The following SRR variants were observed in gnomAD, a reference collection of about 807,000 sequenced individuals.
SRR encodes D-serine ammonia-lyase.
In SRR, 19 loss-of-function variants were observed where a neutral mutation model predicts 32.7. The ratio of observed to expected loss-of-function variants is 0.58; its 90% confidence interval spans 0.40 to 0.85. The LOEUF (loss-of-function observed/expected upper bound fraction) is 0.85, where lower values mean the gene tolerates loss of function less well. Ranked by LOEUF, SRR falls within the 40% of genes least tolerant of loss-of-function variation. The pLI, the probability that SRR is intolerant of heterozygous loss-of-function variation, is 0.00. For synonymous variants in SRR, 142 were observed against 140.9 expected, an observed-to-expected ratio of 1.01 and a Z score of -0.06; for missense variants, 373 against 404.7, an observed-to-expected ratio of 0.92 and a Z score of 0.67.
Position 2,308,981 on chromosome 17 carries a change from G to A in SRR, c.-5+4964G>A, listed in dbSNP as rs553680767. ...TAAATACAAAACATTAGCCAGGTGT[G>A]GTGCTACATGCCTGTAATCCCAGCT... On this transcript the variant is annotated intron_variant, in intron 1 of 7. Transcript: ENST00000344595. Among the ~76,000 whole-genome samples, 5 of 152,060 alleles carry A rather than the reference G, an allele frequency of 3.3e-5. No individual in the cohort carries two copies. The South Asian group carries it at 1.0e-3, about 32-fold the overall frequency.
intron 1 of SRR, chr17:2,309,802 CTGGGCCAAGA>C (rs1305751268): frequency 6.6e-6 from 1 of 152,184 alleles, no homozygotes; most frequent in Admixed American, 6.6e-5. Context: ...GCCACTGGTC[CTGGGCCAAGA>C]TGGGCCAGAG....
chr17:2,319,904 C>T (rs985601794), intron 4 of SRR, among the ~76,000 whole-genome samples: 2 of 151,824 alleles, frequency 1.3e-5, no homozygotes, highest in African/African-American at 2.4e-5. Context: ...CTGCAAGCCC[C>T]GCCTCCTGGG....
Position 2,323,155 on chromosome 17 carries a change from A to C in SRR, c.614A>C (p.Lys205Thr). ...TCCCAGGCTCTGAAACCTAGTGTGAAGGTATATGCTGCTGAACCCTCAAAT... is the reference window on the plus strand; with the variant it reads ...TCCCAGGCTCTGAAACCTAGTGTGACGGTATATGCTGCTGAACCCTCAAAT... The part of the protein sequence containing the change: ...ITVKALKPSV[K>T]VYAAEPSNAD... Residue 205 changes from lysine (K) to threonine (T), a missense_variant, in exon 7 of 8, where the codon AAG (lysine) becomes ACG (threonine). By Grantham distance (78) the Lys-to-Thr change is moderately conservative. Transcript: ENST00000344595. The C allele has an allele frequency of 6.2e-7, 1 of 1,614,168 alleles. No individual in the cohort carries two copies. The highest frequency in any genetic ancestry group is 1.1e-5 in the South Asian group (1 of 91,086).
intron 1 of SRR, among the ~76,000 whole-genome samples, chr17:2,311,997 C>T (rs1250114694): frequency 6.6e-6 from 1 of 152,042 alleles, no homozygotes; most frequent in African/African-American, 2.4e-5. Context: ...ATCACTTGAG[C>T]TCAGGGGTTT....
intron 1 of SRR, chr17:2,307,619 C>T (rs1250264441): frequency 5.2e-6 from 5 of 952,396 alleles, no homozygotes; most frequent in African/African-American, 1.6e-5. Flanking sequence ...GCTCTGGCCC[C>T]TATGGTGGTG....
At chr17:2,317,111 G>A (rs1446918007) in intron 2 of SRR, among the ~76,000 whole-genome samples, 3 of 150,570 alleles carry the variant, frequency 2.0e-5, no homozygotes, top group African/African-American at 7.3e-5. Flanking sequence ...GCTGAGGCAG[G>A]AGAATTGCTT....
intron 4 of SRR, 137 bp downstream of exon 4, chr17:2,319,066 A>T: frequency 1.7e-6 from 1 of 579,446 alleles, no homozygotes; most frequent in South Asian, 2.1e-5. Flanking sequence ...CCTTTTCTCT[A>T]TCTACACTCA....
intron 1 of SRR, chr17:2,307,781 A>AGGTGACAGGGAAGCT: frequency 1.3e-6 from 1 of 793,040 alleles, no homozygotes; most frequent in South Asian, 1.4e-5. Flanking sequence ...TACAGGTTAC[A>AGGTGACAGGGAAGCT]ACAGATTTGT....
chr17:2,310,721 G>A (rs974435706), intron 1 of SRR, among the ~76,000 whole-genome samples: 2 of 151,992 alleles, frequency 1.3e-5, no homozygotes, highest in African/African-American at 4.8e-5. Context: ...TGGGACTACA[G>A]GCAAATGCCA....
At chr17:2,307,436 G>A in intron 1 of SRR, 1 of 1,349,844 alleles carries the variant, frequency 7.4e-7, no homozygotes, top group Non-Finnish European at 1.0e-6. Flanking sequence ...AGTGGTCATG[G>A]TGGCTTTGGT....
intron 3 of SRR, 54 bp from the exon 4 acceptor site, chr17:2,318,772 A>G (rs779893916): frequency 1.1e-5 from 16 of 1,407,464 alleles, no homozygotes; most frequent in East Asian, 4.6e-5. Context: ...GCCTGGCCAC[A>G]TAAGTTTCTA....
At chr17:2,315,338 T>A in intron 1 of SRR, 1 of 399,722 alleles carries the variant, frequency 2.5e-6, no homozygotes, top group South Asian at 6.0e-5. Context: ...TAGCCTTCTG[T>A]AATCACCATC....
chr17:2,306,409 G>A (rs1462921278), intron 1 of SRR, among the ~76,000 whole-genome samples: 1 of 151,472 alleles, frequency 6.6e-6, no homozygotes, highest in Non-Finnish European at 1.5e-5. Flanking sequence ...TAACCATTTG[G>A]AATTTTTTTA....
chr17:2,324,518 A>G lies in SRR; in HGVS notation c.*645A>G. ...TGTTTCCTTACCTAAAGGTTCCTTG[A>G]TATGTCCTCTCCGGCCCCACTTCGT... On this transcript the variant is annotated 3_prime_UTR_variant, in exon 8 of 8. Coordinates refer to ENST00000344595, the MANE Select transcript of SRR (RefSeq NM_021947.3). 3 of 1,614,222 alleles carry G rather than the reference A, an allele frequency of 1.9e-6. No individual in the cohort carries two copies. Among genetic ancestry groups the G allele is most frequent in the Non-Finnish European group, 2.5e-6 (3 of 1,180,034 alleles).
At chr17:2,320,276 T>TTTTTTTG (rs2075515519) in intron 4 of SRR, among the ~76,000 whole-genome samples, 1 of 147,046 alleles carries the variant, frequency 6.8e-6, no homozygotes, top group Non-Finnish European at 1.5e-5. Flanking sequence ...TTTTTTTTTT[T>TTTTTTTG]AGACAGAATC....
chr17:2,324,155 G>A lies in SRR; in HGVS notation c.*282G>A, dbSNP rs774606553. The A allele has an allele frequency of 4.6e-6, 7 of 1,511,638 alleles. No homozygotes were observed. The highest frequency in any genetic ancestry group is 6.2e-6 in the Non-Finnish European group (7 of 1,134,540). The allele number at this position is 1,511,638 out of a possible 1,614,324, so 93.6% of individuals were successfully genotyped here. A position where few individuals can be genotyped will look rare whatever the true frequency, so the allele number is the denominator to read the frequency against. Reference sequence around the variant, plus strand: ...ACAACTTGTGCCTCCCATCCCTGGAGTACTGACTGGCACCGGTAAGACAGA... The same window carrying A: ...ACAACTTGTGCCTCCCATCCCTGGAATACTGACTGGCACCGGTAAGACAGA... On this transcript the variant is annotated 3_prime_UTR_variant, in exon 8 of 8. Transcript: ENST00000344595.
At chr17:2,306,794 A>G in intron 1 of SRR, 1 of 714,286 alleles carries the variant, frequency 1.4e-6, no homozygotes, top group Non-Finnish European at 2.5e-6. Context: ...GAGCTCGTAC[A>G]GCTGAAGAAG....
At chr17:2,307,891 A>G (rs1175754341) in intron 1 of SRR, among the ~76,000 whole-genome samples, 1 of 152,152 alleles carries the variant, frequency 6.6e-6, no homozygotes, top group East Asian at 1.9e-4. Context: ...CGAAGACTGT[A>G]TTTGTGACTA....
intron 1 of SRR, chr17:2,306,974 C>T (rs896110705): frequency 5.2e-5 from 69 of 1,333,890 alleles, no homozygotes; most frequent in African/African-American, 5.7e-5. Flanking sequence ...GATGCAGCCA[C>T]GAATGCAAGG....
Sources: gnomAD v4.1 joint callset for allele counts (sites outside exome capture counted in the v4.1 genomes callset) on GRCh38, gnomAD v4.1.1 for gene constraint, MANE v1.5 for transcripts, NCBI Gene and HGNC (gene_info 2026-07-23, HGNC 2026-07-21) for gene names.